The following PELI1 variants were observed in gnomAD, a reference collection of about 807,000 sequenced individuals.
PELI1 encodes the protein pellino E3 ubiquitin protein ligase 1.
Under a neutral mutation model 41.3 loss-of-function variants are expected in PELI1, and 15 were observed. The observed-to-expected ratio is 0.36, with a 90% CI of 0.24 to 0.56. The LOEUF is 0.56. Among genes scored for constraint, PELI1 ranks in the 20% least tolerant of loss-of-function variants. The pLI, the probability that PELI1 is intolerant of heterozygous loss-of-function variation, is 0.82. For synonymous variants in PELI1, 178 were observed against 180.1 expected (o/e 0.99, Z 0.09); for missense variants, 403 against 525.5 (o/e 0.77, Z 2.28).
At position 64,100,410 on chromosome 2, in the gene PELI1, G is replaced by T. The variant is rs329498; in HGVS notation, c.291C>A (p.Thr97=). 428,711 of 1,468,306 alleles carry T rather than the reference G, an allele frequency of 0.29. 69,147 individuals are homozygous for T. The highest frequency in any genetic ancestry group is 0.74 in the East Asian group (32,409 of 43,506). The allele number at this position is 1,468,306 out of a possible 1,614,324, so 91.0% of individuals were successfully genotyped here. A position where few individuals can be genotyped will look rare whatever the true frequency, so the allele number is the denominator to read the frequency against. ...GATGTTGTAATACCTGAAACATATCGGTGTTGCTGTCATGAGTATATTCAA... is the reference window on the plus strand; with the variant it reads ...GATGTTGTAATACCTGAAACATATCTGTGTTGCTGTCATGAGTATATTCAA... The part of the protein sequence containing the change: ...VVVEYTHDSN[T]DMFQIGRSTE... The change falls in exon 4 of 7, where the codon ACC becomes ACA. Residue 97 remains threonine (T), a synonymous_variant. Coordinates refer to ENST00000358912, the MANE Select transcript of PELI1 (RefSeq NM_020651.4).
intron 1 of PELI1, among the ~76,000 whole-genome samples, chr2:64,110,930 T>TATATATAC (rs1426620163): frequency 5.3e-5 from 8 of 150,702 alleles, no homozygotes; most frequent in Non-Finnish European, 5.9e-5. Flanking sequence ...CATTTCAAAA[T>TATATATAC]ATATATATAT....
intron 2 of PELI1, among the ~76,000 whole-genome samples, chr2:64,105,548 A>G (rs776759616): frequency 2.2e-4 from 33 of 152,228 alleles, no homozygotes; most frequent in Non-Finnish European, 2.9e-5. Flanking sequence ...ACCAGGCACT[A>G]TTGAATGCTA....
At chr2:64,105,660 T>C (rs865940414) in intron 2 of PELI1, among the ~76,000 whole-genome samples, 6 of 152,190 alleles carry the variant, frequency 3.9e-5, no homozygotes, top group Non-Finnish European at 8.8e-5. Context: ...TCAGAAGAAT[T>C]ATATTCTGAA....
At chr2:64,143,001 A>G (rs1010800308) in intron 1 of PELI1, among the ~76,000 whole-genome samples, 2 of 152,240 alleles carry the variant, frequency 1.3e-5, no homozygotes, top group African/African-American at 2.4e-5. Flanking sequence ...AAAGTTCTCA[A>G]TAACATTTGT....
chr2:64,117,700 C>T (rs549748537), intron 1 of PELI1, among the ~76,000 whole-genome samples: 3 of 152,142 alleles, frequency 2.0e-5, no homozygotes, highest in Non-Finnish European at 1.5e-5. Context: ...TATTACTACT[C>T]TAATGAAAAA....
At chr2:64,106,951 G>A (rs770060027) in intron 2 of PELI1, among the ~76,000 whole-genome samples, 27 of 152,066 alleles carry the variant, frequency 1.8e-4, no homozygotes, top group Admixed American at 2.6e-4. Context: ...TTTTCGAGAC[G>A]GAGTCTTGCT....
chr2:64,096,512 T>A lies in PELI1; in HGVS notation c.402A>T (p.Ile134=), dbSNP rs377007632. Residue 134 remains isoleucine (I), a synonymous_variant, in exon 5 of 7, where the codon ATA becomes ATT. Coordinates refer to ENST00000358912, the MANE Select transcript of PELI1 (RefSeq NM_020651.4). ...ATATGATTCTGCAGGCAAATCTTGA[T>A]ATAGTGCTTTGTACTGACTGTGTAT... ...NSDTQSVQST[I]SRFACRIICE... 8.1e-6 allele frequency: 13 copies of A among 1,611,698 alleles called. No individual in the cohort carries two copies. The African/African-American group carries it at 1.7e-4, about 22-fold the overall frequency.
At chr2:64,137,149 T>G (rs1681743203) in intron 1 of PELI1, among the ~76,000 whole-genome samples, 2 of 152,214 alleles carry the variant, frequency 1.3e-5, no homozygotes, top group Admixed American at 1.3e-4. Flanking sequence ...TTGAGGTTTT[T>G]GGGGGCATTT....
chr2:64,132,703 T>C (rs991428253), intron 1 of PELI1, among the ~76,000 whole-genome samples: 3 of 152,178 alleles, frequency 2.0e-5, no homozygotes, highest in African/African-American at 7.2e-5. Context: ...ACAAATTTAA[T>C]AGTGATACGA....
intron 1 of PELI1, among the ~76,000 whole-genome samples, chr2:64,142,709 T>A: frequency 6.6e-6 from 1 of 152,194 alleles, no homozygotes; most frequent in East Asian, 1.9e-4. Context: ...CATCGTAAAC[T>A]GAAACAGAAC....
chr2:64,126,017 G>A (rs556093194), intron 1 of PELI1, among the ~76,000 whole-genome samples: 18 of 152,214 alleles, frequency 1.2e-4, no homozygotes, highest in Non-Finnish European at 2.6e-4. Flanking sequence ...AAACACTTCC[G>A]GTCCCAAGGA....
rs374291119 is a variant in PELI1 at position 64,132,079 on chromosome 2, A to C, written c.-70+12002T>G. Among the ~76,000 whole-genome samples the C allele has an allele frequency of 2.6e-5, 4 of 152,228 alleles. No individual in the cohort carries two copies. In the East Asian group the frequency reaches 7.7e-4, roughly 29 times the overall value. ...TCACAGAGAAAGGTACTGAATTGGC[A>C]ACAGATCTTTCCCCCTCCTTTTTCT... On this transcript the variant is annotated intron_variant, in intron 1 of 6. Transcript: ENST00000358912.
At chr2:64,105,838 A>ACC (rs2103685389) in intron 2 of PELI1, among the ~76,000 whole-genome samples, 1 of 152,122 alleles carries the variant, frequency 6.6e-6, no homozygotes, top group Admixed American at 6.5e-5. Context: ...TTGATGATCT[A>ACC]CCATATGTAG....
intron 1 of PELI1, among the ~76,000 whole-genome samples, chr2:64,141,305 C>G (rs1459054947): frequency 9.4e-6 from 1 of 106,340 alleles, no homozygotes; most frequent in Admixed American, 9.9e-5. Context: ...ATGTTTCCCG[C>G]CCCCACCCCA....
chr2:64,119,889 C>G (rs568256064), intron 1 of PELI1, among the ~76,000 whole-genome samples: 4 of 152,166 alleles, frequency 2.6e-5, no homozygotes, highest in Admixed American at 6.5e-5. Flanking sequence ...TGTTAAGCAA[C>G]ACTCCATTTA....
intron 2 of PELI1, chr2:64,106,192 A>G (rs752338275): frequency 2.6e-5 from 4 of 152,176 alleles, no homozygotes; most frequent in Non-Finnish European, 4.4e-5. Context: ...TCTGAGTTGC[A>G]TGACTCATCC....
chr2:64,124,132 G>A (rs1344504735), intron 1 of PELI1, among the ~76,000 whole-genome samples: 1 of 152,126 alleles, frequency 6.6e-6, no homozygotes, highest in Non-Finnish European at 1.5e-5. Context: ...TTGCCTGGGA[G>A]GGGAAAGAAA....
intron 4 of PELI1, among the ~76,000 whole-genome samples, chr2:64,097,456 G>A (rs1680280918): frequency 1.3e-5 from 2 of 152,140 alleles, no homozygotes; most frequent in Non-Finnish European, 2.9e-5. Context: ...AGAGAGACAA[G>A]GTTCCCAGAT....
chr2:64,120,270 A>G (rs572402024), intron 1 of PELI1, among the ~76,000 whole-genome samples: 381 of 152,336 alleles, frequency 2.5e-3, no homozygotes, highest in Non-Finnish European at 4.2e-3. Context: ...CTGCTACTCC[A>G]AATTTCCCCA....
Sources: gnomAD v4.1 joint callset for allele counts (sites outside exome capture counted in the v4.1 genomes callset) on GRCh38, gnomAD v4.1.1 for gene constraint, MANE v1.5 for transcripts, NCBI Gene and HGNC (gene_info 2026-07-23, HGNC 2026-07-21) for gene names.